The following FAT3 variants were observed in gnomAD, a reference collection of about 807,000 sequenced individuals.
FAT3 encodes the protein protocadherin Fat 3.
FAT3 carries 95 observed loss-of-function variants against 310.2 expected under a neutral mutation model. The ratio of observed to expected loss-of-function variants is 0.31; its 90% CI spans 0.26 to 0.36. The LOEUF (loss-of-function observed/expected upper bound fraction) is 0.36. Among genes scored for constraint, FAT3 ranks in the 10% least tolerant of loss-of-function variants. FAT3 has a pLI of 1.00. For missense variants in FAT3, 5,408 were observed against 5,715.6 expected (o/e 0.95, Z 1.74); for synonymous variants, 2,314 against 2,192.9 (o/e 1.06, Z -1.54).
At chr11:92,873,119 T>A (rs1251197281) in intron 22 of FAT3, among the ~76,000 whole-genome samples, 1 of 152,216 alleles carries the variant, frequency 6.6e-6, no homozygotes, top group Non-Finnish European at 1.5e-5. Flanking sequence ...CACCTAATGT[T>A]GTGTGCTGCA....
In FAT3 at chr11:92,827,183, T is replaced by C. The variant is rs1214764436; in HGVS notation, c.9482-4439T>C. 5.3e-5 allele frequency among the ~76,000 whole-genome samples: 8 copies of C among 152,194 alleles called. No homozygotes were observed. The East Asian group carries it at 1.5e-3, about 29-fold the overall frequency. ...ATAACTGTAAGCTGTATGTGTGAAT[T>C]CTGAGCATTTAACCGAATGGTATGA... is the stretch of plus-strand genomic sequence containing the variant. On this transcript the variant is annotated intron_variant, in intron 13 of 27. Transcript: ENST00000525166.
chr11:92,890,604 G>A lies in FAT3; in HGVS notation c.13261G>A (p.Glu4421Lys), dbSNP rs761954774. ...GTCTGCACACCAGGGGAGCACACGG[G>A]AGCTGGAGAGCGATTACTACCTGGG... is the stretch of plus-strand genomic sequence containing the variant. ...GGSAHQGSTR[E>K]LESDYYLGGY... Residue 4421 changes from glutamate to lysine, a missense_variant, in exon 28 of 28, where the codon GAG (glutamate) becomes AAG (lysine). Physicochemically the swap from Glu to Lys is moderately conservative, Grantham distance 56. Around this residue, in one of 5 missense-constraint regions of FAT3, gnomAD observed 649 missense variants for 666.2 expected, o/e 0.97. Transcript: ENST00000525166. The A allele has an allele frequency of 2.5e-6, 4 of 1,613,832 alleles. No individual in the cohort carries two copies. The highest frequency in any genetic ancestry group is 2.5e-6 in the Non-Finnish European group (3 of 1,179,868).
intron 3 of FAT3, among the ~76,000 whole-genome samples, chr11:92,648,823 A>G (rs1185097350): frequency 1.3e-5 from 2 of 152,302 alleles, no homozygotes; most frequent in Non-Finnish European, 1.5e-5. Context: ...GAAGATCCAC[A>G]TTTAAATAAG....
At chr11:92,614,790 T>G (rs764394886) in intron 3 of FAT3, among the ~76,000 whole-genome samples, 25 of 152,214 alleles carry the variant, frequency 1.6e-4, no homozygotes, top group Non-Finnish European at 2.9e-4. Context: ...TGCTTCTAAC[T>G]CAAGGTCACA....
chr11:92,403,724 A>G (rs183389956), intron 2 of FAT3, among the ~76,000 whole-genome samples: 5 of 152,260 alleles, frequency 3.3e-5, no homozygotes, highest in African/African-American at 1.2e-4. Flanking sequence ...AGAAAAGTTT[A>G]TATTATGGAG....
Position 92,799,792 on chromosome 11 carries a change from C to T in FAT3, c.6779C>T (p.Ala2260Val), listed in dbSNP as rs1947283488. 1 of 1,612,762 alleles carries T rather than the reference C, an allele frequency of 6.2e-7. No individual in the cohort carries two copies. The highest frequency in any genetic ancestry group is 8.5e-7 in the Non-Finnish European group (1 of 1,179,358). The change falls in exon 10 of 28, where the codon GCC becomes GTC. Residue 2260 changes from alanine (A) to valine (V), a missense_variant. By Grantham distance (64) the Ala-to-Val change is moderately conservative (BLOSUM62 0). Around this residue, in one of 5 missense-constraint regions of FAT3, gnomAD observed 4,588 missense variants for 4,809.8 expected, o/e 0.95. Coordinates refer to ENST00000525166, the MANE Select transcript of FAT3 (RefSeq NM_001367949.2). ...TCTGCTTACAAGCTGACAATAAGAG[C>T]CAGCGACGCCCTTACTGGTGCTAGG... is the stretch of plus-strand genomic sequence containing the variant. ...VTSAYKLTIR[A>V]SDALTGARAE...
intron 6 of FAT3, among the ~76,000 whole-genome samples, chr11:92,773,713 T>C (rs1946520186): frequency 6.6e-6 from 1 of 152,198 alleles, no homozygotes. Flanking sequence ...AAATTTCTAA[T>C]GCAGAAGCCA....
intron 3 of FAT3, among the ~76,000 whole-genome samples, chr11:92,692,825 A>G (rs1943833730): frequency 6.6e-6 from 1 of 152,226 alleles, no homozygotes; most frequent in Non-Finnish European, 1.5e-5. Flanking sequence ...CCCAGCTTCC[A>G]ACAGTCTTGG....
At chr11:92,842,110 G>T (rs1341201826) in intron 18 of FAT3, among the ~76,000 whole-genome samples, 1 of 152,124 alleles carries the variant, frequency 6.6e-6, no homozygotes, top group Non-Finnish European at 1.5e-5. Context: ...GCCTGGCATG[G>T]TTGTGATAAA....
chr11:92,264,663 T>C (rs576892445), intron 1 of FAT3, among the ~76,000 whole-genome samples: 2 of 152,188 alleles, frequency 1.3e-5, no homozygotes, highest in Non-Finnish European at 2.9e-5. Flanking sequence ...GTTTGCACTT[T>C]ATGTTTTCTG....
intron 3 of FAT3, among the ~76,000 whole-genome samples, chr11:92,605,719 G>GTAT (rs1940249273): frequency 1.0e-5 from 1 of 99,760 alleles, no homozygotes; most frequent in Non-Finnish European, 1.8e-5. Flanking sequence ...AAATAGCTAT[G>GTAT]TTTTTTTTTT....
chr11:92,766,552 A>G (rs1279026786), intron 6 of FAT3: 2 of 152,236 alleles, frequency 1.3e-5, no homozygotes, highest in Admixed American at 6.5e-5. Flanking sequence ...TGAACTTCCA[A>G]AAAAGCAAAG....
In FAT3 at chr11:92,474,976, C is replaced by T. The variant is rs541399571; in HGVS notation, c.3293-49658C>T. 3.9e-5 allele frequency among the ~76,000 whole-genome samples: 6 copies of T among 152,332 alleles called. No individual in the cohort carries two copies. In the South Asian group the frequency reaches 1.2e-3, roughly 32 times the overall value. ...TGGCTTTCTGATGATCTGCACCTGGCAGGCCTCATGGGCACATTGCCCTTC... is the reference window on the plus strand; with the variant it reads ...TGGCTTTCTGATGATCTGCACCTGGTAGGCCTCATGGGCACATTGCCCTTC... On this transcript the variant is annotated intron_variant, in intron 2 of 27. Coordinates refer to ENST00000525166, the MANE Select transcript of FAT3 (RefSeq NM_001367949.2).
At chr11:92,276,557 T>C (rs1591042105) in intron 1 of FAT3, among the ~76,000 whole-genome samples, 1 of 152,020 alleles carries the variant, frequency 6.6e-6, no homozygotes, top group African/African-American at 2.4e-5. Context: ...TGACACTAGG[T>C]TTAAAAGGTG....
At chr11:92,570,919 A>G (rs1955645772) in intron 3 of FAT3, among the ~76,000 whole-genome samples, 1 of 152,176 alleles carries the variant, frequency 6.6e-6, no homozygotes, top group Admixed American at 6.6e-5. Context: ...TTCAGTAAAC[A>G]TGTGTAAGAA....
At chr11:92,299,067 G>A (rs946281446) in intron 1 of FAT3, among the ~76,000 whole-genome samples, 37 of 152,092 alleles carry the variant, frequency 2.4e-4, no homozygotes, top group African/African-American at 7.5e-4. Flanking sequence ...GTAGCTTTCT[G>A]TGGCTTTGGA....
rs140585134 is a variant in FAT3 at position 92,243,936 on chromosome 11, A to C, written c.-18+18762A>C. 7.2e-3 allele frequency among the ~76,000 whole-genome samples: 1,097 copies of C among 152,232 alleles called. 14 individuals are homozygous for C. Among genetic ancestry groups the C allele is most frequent in the African/African-American group, 0.025 (1,044 of 41,558 alleles). ...TGATAAAGATCAAAATTTAAGGAAA[A>C]GAACATCCGAATAAATTTAATGTCT... On this transcript the variant is annotated intron_variant, in intron 1 of 27. Coordinates refer to ENST00000525166, the MANE Select transcript of FAT3 (RefSeq NM_001367949.2).
At chr11:92,635,152 G>A (rs1565475327) in intron 3 of FAT3, among the ~76,000 whole-genome samples, 1 of 152,130 alleles carries the variant, frequency 6.6e-6, no homozygotes, top group African/African-American at 2.4e-5. Context: ...GCAGCTCTGG[G>A]GCAGTCCTTG....
In FAT3 at chr11:92,355,358, C is replaced by T. The variant is rs746181663; in HGVS notation, c.3246C>T (p.Ile1082=). ...GGGATGGAGAGATCCAGTACTCCAT[C>T]AGGGATGGCAGTGGTCTTGGAAGGT... ...SGRDGEIQYS[I]RDGSGLGRFS... The change falls in exon 2 of 28, where the codon ATC becomes ATT. Residue 1082 remains isoleucine, a synonymous_variant. Coordinates refer to ENST00000525166, the MANE Select transcript of FAT3 (RefSeq NM_001367949.2). The T allele has an allele frequency of 1.2e-6, 2 of 1,613,730 alleles. No individual in the cohort carries two copies. The highest frequency in any genetic ancestry group is 2.2e-5 in the East Asian group (1 of 44,868).
Sources: allele counts gnomAD v4.1 joint callset (sites outside exome capture counted in the v4.1 genomes callset), GRCh38; gene constraint gnomAD v4.1.1; regional missense constraint gnomAD v4.1.1; transcripts MANE v1.5; gene names NCBI Gene and HGNC (gene_info 2026-07-23, HGNC 2026-07-21).